Variants in ENTREP1 observed in about 807,000 individuals in gnomAD.
ENTREP1 encodes endosomal transmembrane epsin interactor 1.
the ENTREP1 span, chr9:69,383,560 T>G: frequency 6.3e-7 from 1 of 1,596,264 alleles, no homozygotes; most frequent in Non-Finnish European, 8.5e-7. Context: ...AAAGCCAGTA[T>G]CCGGGCATCA....
At chr9:69,386,159 T>G in the ENTREP1 span, 3 of 412,090 alleles carry the variant, frequency 7.3e-6, no homozygotes, top group Non-Finnish European at 1.2e-5. Context: ...TTTTTTTGTT[T>G]TTTTTTAAAG....
the ENTREP1 span, among the ~76,000 whole-genome samples, chr9:69,340,765 GTGTGTGTGTGTA>G: frequency 8.2e-6 from 1 of 121,996 alleles, no homozygotes; most frequent in East Asian, 2.8e-4. Flanking sequence ...GTGCGTGCAT[GTGTGTGTGTGTA>G]TGTGTGTGTG....
chr9:69,334,784 TTTTTTTTTTTGAGACAGAGTCTCA>T, the ENTREP1 span, among the ~76,000 whole-genome samples: 2 of 150,194 alleles, frequency 1.3e-5, no homozygotes, highest in African/African-American at 2.4e-5. Flanking sequence ...TCTTTTTTTT[TTTTTTTTTTTGAGACAGAGTCTCA>T]TTCTATCGCC....
At chr9:69,353,720 A>AG in the ENTREP1 span, among the ~76,000 whole-genome samples, 1 of 152,254 alleles carries the variant, frequency 6.6e-6, no homozygotes, top group African/African-American at 2.4e-5. Flanking sequence ...TGTGCAAAAA[A>AG]GTCCAGGATT....
chr9:69,344,959 C>T, the ENTREP1 span, among the ~76,000 whole-genome samples: 1 of 152,150 alleles, frequency 6.6e-6, no homozygotes, highest in South Asian at 2.1e-4. Context: ...TTGTTCCTAA[C>T]ATAATCAAGA....
chr9:69,391,952 G>A, the ENTREP1 span: 3 of 744,524 alleles, frequency 4.0e-6, no homozygotes, highest in Non-Finnish European at 6.7e-6. Context: ...TGCTGACTGA[G>A]GGCATTCAGG....
chr9:69,389,174 T>C, the ENTREP1 span, among the ~76,000 whole-genome samples: 2 of 152,164 alleles, frequency 1.3e-5, no homozygotes, highest in African/African-American at 4.8e-5. Flanking sequence ...GTTGGCTTCA[T>C]TGCTGCAGGT....
the ENTREP1 span, among the ~76,000 whole-genome samples, chr9:69,328,768 GTGTAC>G: frequency 6.6e-6 from 1 of 152,150 alleles, no homozygotes; most frequent in South Asian, 2.1e-4. Context: ...AGCATTTAAA[GTGTAC>G]TGGTCAATGG....
chr9:69,382,155 C>T, the ENTREP1 span: 4 of 152,290 alleles, frequency 2.6e-5, no homozygotes, highest in Admixed American at 6.5e-5. Flanking sequence ...AAGGCTGGCC[C>T]TCTGGAGAGG....
At chr9:69,383,883 A>G in the ENTREP1 span, 5 of 1,570,300 alleles carry the variant, frequency 3.2e-6, no homozygotes, top group Non-Finnish European at 4.4e-6. Flanking sequence ...TAAGGAGTTC[A>G]CTGGGTCTAA....
chr9:69,383,510 T>C, the ENTREP1 span: 7 of 1,525,488 alleles, frequency 4.6e-6, no homozygotes, highest in African/African-American at 8.3e-5. Flanking sequence ...AAGGAGACCA[T>C]GGTATGGAGA....
the ENTREP1 span, chr9:69,386,028 C>T: frequency 1.5e-6 from 2 of 1,326,552 alleles, no homozygotes; most frequent in African/African-American, 1.5e-5. Context: ...TGGCTCTGGC[C>T]AGCTCAGGAC....
At chr9:69,331,479 G>A in the ENTREP1 span, among the ~76,000 whole-genome samples, 1 of 152,164 alleles carries the variant, frequency 6.6e-6, no homozygotes, top group Non-Finnish European at 1.5e-5. Flanking sequence ...TTTCCTGTAA[G>A]CTACAAGAAA....
chr9:69,325,723 G>T, the ENTREP1 span: 3 of 1,227,898 alleles, frequency 2.4e-6, no homozygotes, highest in Non-Finnish European at 3.0e-6. Flanking sequence ...CCGGCTCCTC[G>T]GTGAGTACCG....
the ENTREP1 span, among the ~76,000 whole-genome samples, chr9:69,358,902 C>CTTTTTTTTTTTTT: frequency 1.0e-5 from 1 of 96,368 alleles, no homozygotes. Context: ...CTTTTTCTTT[C>CTTTTTTTTTTTTT]TTTTTTTTTT....
the ENTREP1 span, chr9:69,391,477 C>CTTTTTTTTTTTTTT: frequency 1.4e-6 from 1 of 692,084 alleles, no homozygotes; most frequent in Non-Finnish European, 2.4e-6. Flanking sequence ...GGGAAAATGC[C>CTTTTTTTTTTTTTT]TTTTTTTTTT....
At chr9:69,363,057 A>T in the ENTREP1 span, among the ~76,000 whole-genome samples, 2 of 152,072 alleles carry the variant, frequency 1.3e-5, no homozygotes, top group Non-Finnish European at 2.9e-5. Flanking sequence ...GCCAGTGCCT[A>T]TGAGAGCACT....
At chr9:69,350,909 T>G in the ENTREP1 span, among the ~76,000 whole-genome samples, 13 of 152,134 alleles carry the variant, frequency 8.5e-5, no homozygotes, top group African/African-American at 3.1e-4. Flanking sequence ...TCCTTGAAAA[T>G]CAATAAAATT....
the ENTREP1 span, among the ~76,000 whole-genome samples, chr9:69,353,740 T>C: frequency 6.6e-6 from 1 of 152,222 alleles, no homozygotes; most frequent in Admixed American, 6.5e-5. Context: ...TCTATCAAGA[T>C]TCGCTTATGG....
Sources: allele counts gnomAD v4.1 joint callset (sites outside exome capture counted in the v4.1 genomes callset), GRCh38; gene constraint gnomAD v4.1.1; transcripts MANE v1.5; gene names NCBI Gene and HGNC (gene_info 2026-07-23, HGNC 2026-07-21).